The following HSPA9 variants were observed in gnomAD, a reference collection of about 807,000 sequenced individuals.
The protein encoded by HSPA9 is heat shock protein family A (Hsp70) member 9.
Under a neutral mutation model 81.5 loss-of-function variants are expected in HSPA9, and 28 were observed. The observed-to-expected ratio is 0.34, with a 90% CI of 0.25 to 0.47. HSPA9 has a LOEUF of 0.47. Among genes scored for constraint, HSPA9 ranks in the 20% least tolerant of loss-of-function variants. HSPA9 has a pLI of 1.00. For missense variants in HSPA9, 678 were observed against 838.0 expected (o/e 0.81, Z 2.36); for synonymous variants, 293 against 290.4 (o/e 1.01, Z -0.09).
rs1407036669 is a variant in HSPA9, at chr5:138,554,460, G to T, written c.*1577C>A. On this transcript the variant is annotated 3_prime_UTR_variant, in exon 17 of 17. Transcript: ENST00000297185. ...AATGTTCCCATTGAGTGTTCATGTG[G>T]TTGGAAACCTGAGCCTAGAATTTTT... Among the ~76,000 whole-genome samples, 1 of 152,210 alleles carries T rather than the reference G, an allele frequency of 6.6e-6. No individual in the cohort carries two copies. Among genetic ancestry groups the T allele is most frequent in the Non-Finnish European group, 1.5e-5 (1 of 68,046 alleles).
At position 138,565,670 on chromosome 5, in the gene HSPA9, C is replaced by T. The variant is rs570959424; in HGVS notation, c.972+956G>A. The stretch of plus-strand genomic sequence containing the variant: ...GCTGTGTAAATCTGATGCTCACAGA[C>T]GGAAACTTGCACAAGCTTCAGCTCT... On this transcript the variant is annotated intron_variant, in intron 9 of 16. Transcript: ENST00000297185. 8.5e-5 allele frequency among the ~76,000 whole-genome samples: 13 copies of T among 152,280 alleles called. 1 individual carries two copies. Among genetic ancestry groups the T allele is most frequent in the African/African-American group, 2.6e-4 (11 of 41,554 alleles).
At position 138,555,691 on chromosome 5, in the gene HSPA9, T is replaced by C. The variant is rs1367397744; in HGVS notation, c.*346A>G. On this transcript the variant is annotated 3_prime_UTR_variant, in exon 17 of 17. Coordinates refer to ENST00000297185, the MANE Select transcript of HSPA9 (RefSeq NM_004134.7). ...GTCTCATTTCAAGTCTATGGATGACTACCTTCATTGCTGTGTGCGAGATGG... is the reference window on the plus strand; with the variant it reads ...GTCTCATTTCAAGTCTATGGATGACCACCTTCATTGCTGTGTGCGAGATGG... The C allele has an allele frequency of 2.9e-6, 1 of 350,332 alleles. No individual in the cohort carries two copies. Among genetic ancestry groups the C allele is most frequent in the Non-Finnish European group, 5.4e-6 (1 of 183,686 alleles). The allele number at this position is 350,332 out of a possible 1,614,324, so 21.7% of individuals were successfully genotyped here.
At position 138,558,007 on chromosome 5, in the gene HSPA9, AG is replaced by A. The variant is rs1227180410; in HGVS notation, c.1516-22del. On this transcript the variant is annotated intron_variant, in intron 12 of 16. Transcript: ENST00000297185. The stretch of plus-strand genomic sequence containing the variant: ...CCAATCTAAAATAAATAATATCCAG[AG>A]TAAGGTCCTCTTACAGAGGGGTCCA... 2.0e-6 allele frequency: 3 copies of A among 1,487,122 alleles called. No homozygotes were observed. In the Admixed American group the frequency reaches 5.0e-5, roughly 25 times the overall value. The allele number at this position is 1,487,122 out of a possible 1,614,324, so 92.1% of individuals were successfully genotyped here. A position where few individuals can be genotyped will look rare whatever the true frequency, so the allele number is the denominator to read the frequency against.
At chr5:138,563,635 A>G (rs1191870057) in intron 9 of HSPA9, among the ~76,000 whole-genome samples, 1 of 151,626 alleles carries the variant, frequency 6.6e-6, no homozygotes, top group African/African-American at 2.4e-5. Flanking sequence ...ACTATCCTCA[A>G]CTCCTCTGGG....
chr5:138,566,724 A>G lies in HSPA9; in HGVS notation c.880-6T>C. ...TTAGTCAAATCAACCCCTGTCTATA[A>G]AGTGAAGACATTGAACACCAAACAC... On this transcript the variant is annotated splice_region_variant and splice_polypyrimidine_tract_variant and intron_variant, in intron 8 of 16. Transcript: ENST00000297185. 6.2e-7 allele frequency: 1 copy of G among 1,605,752 alleles called. No individual in the cohort carries two copies. The highest frequency in any genetic ancestry group is 8.5e-7 in the Non-Finnish European group (1 of 1,172,502).
At chr5:138,556,921 A>C in intron 14 of HSPA9, 55 bp from the exon 15 acceptor site, 1 of 1,181,328 alleles carries the variant, frequency 8.5e-7, no homozygotes, top group Non-Finnish European at 1.3e-6. Flanking sequence ...AAGTTTGCTG[A>C]ATGTCTATAC....
intron 3 of HSPA9, among the ~76,000 whole-genome samples, chr5:138,571,981 C>CAAG (rs1489039619): frequency 6.9e-4 from 2 of 2,896 alleles, no homozygotes. Context: ...TTTTTTGAGA[C>CAAG]AGAGTCTCAC....
intron 9 of HSPA9, among the ~76,000 whole-genome samples, chr5:138,564,614 G>C (rs1238202329): frequency 6.6e-6 from 1 of 152,152 alleles, no homozygotes; most frequent in Non-Finnish European, 1.5e-5. Context: ...TTTTGCCCAG[G>C]CTGGTCCCCA....
Position 138,557,417 on chromosome 5 carries a change from T to C in HSPA9, c.1713A>G (p.Glu571=). 6.2e-7 allele frequency: 1 copy of C among 1,607,476 alleles called. No homozygotes were observed. Among genetic ancestry groups the C allele is most frequent in the South Asian group, 1.1e-5 (1 of 90,614 alleles). Residue 571 remains glutamate (E), a synonymous_variant, in exon 14 of 17, where the codon GAA becomes GAG. Transcript: ENST00000297185. ...AAGTAATCACCTTCTTTCGCCGGTC[T>C]TCTTCAGCATATTTCTCTGCATTTT... ...MVKNAEKYAE[E]DRRKKERVEA...
At chr5:138,558,886 G>C (rs1580741797) in intron 11 of HSPA9, 1 of 485,818 alleles carries the variant, frequency 2.1e-6, no homozygotes, top group Non-Finnish European at 3.8e-6. Context: ...CAAAGACGCA[G>C]CATTAGGACA....
At chr5:138,556,643 T>C (rs772946816) in intron 15 of HSPA9, 51 bp from the exon 16 acceptor site, 18 of 1,598,682 alleles carry the variant, frequency 1.1e-5, no homozygotes, top group Non-Finnish European at 1.5e-5. Flanking sequence ...CCTGTACCAT[T>C]ACAAGTAGAA....
chr5:138,570,309 A>G (rs1374889100), intron 4 of HSPA9, among the ~76,000 whole-genome samples: 1 of 152,068 alleles, frequency 6.6e-6, no homozygotes, highest in Non-Finnish European at 1.5e-5. Context: ...CCCCGTTTCT[A>G]TTGGGAGGGG....
rs1750470152 is a variant in HSPA9, at chr5:138,554,040, T to C, written c.*1997A>G. ...AGTGGACTGTGGGTGGGACCTCGGTTCCATAATTGTGAGCCAGTTTCTTTC... is the reference window on the plus strand; with the variant it reads ...AGTGGACTGTGGGTGGGACCTCGGTCCCATAATTGTGAGCCAGTTTCTTTC... On this transcript the variant is annotated 3_prime_UTR_variant, in exon 17 of 17. Coordinates refer to ENST00000297185, the MANE Select transcript of HSPA9 (RefSeq NM_004134.7). Among the ~76,000 whole-genome samples the C allele has an allele frequency of 6.6e-6, 1 of 152,230 alleles. No homozygotes were observed. Among genetic ancestry groups the C allele is most frequent in the Non-Finnish European group, 1.5e-5 (1 of 68,034 alleles).
chr5:138,564,793 C>G (rs762902568), intron 9 of HSPA9, among the ~76,000 whole-genome samples: 1 of 152,140 alleles, frequency 6.6e-6, no homozygotes, highest in Non-Finnish European at 1.5e-5. Flanking sequence ...TGGTAATGCT[C>G]ACAACTCTTA....
intron 9 of HSPA9, among the ~76,000 whole-genome samples, chr5:138,562,552 A>T (rs942062850): frequency 6.6e-6 from 1 of 152,026 alleles, no homozygotes; most frequent in Non-Finnish European, 1.5e-5. Context: ...ACTCCGTCTC[A>T]AAAAAACAAA....
At chr5:138,570,126 A>G (rs1168333927) in intron 4 of HSPA9, among the ~76,000 whole-genome samples, 1 of 151,726 alleles carries the variant, frequency 6.6e-6, no homozygotes, top group Admixed American at 6.6e-5. Context: ...CAGCCTCCCA[A>G]AGTGTTAGGA....
At position 138,554,576 on chromosome 5, in the gene HSPA9, T is replaced by TA. The variant is rs1487654393; in HGVS notation, c.*1460dup. Among the ~76,000 whole-genome samples, 3 of 152,244 alleles carry TA rather than the reference T, an allele frequency of 2.0e-5. No homozygotes were observed. The highest frequency in any genetic ancestry group is 2.9e-5 in the Non-Finnish European group (2 of 68,044). ...AATCACTTCCTTCATACTTGCAAAT[T>TA]AAATTGATTTCTTATACTGATTTTT... On this transcript the variant is annotated 3_prime_UTR_variant, in exon 17 of 17. Transcript: ENST00000297185.
chr5:138,559,981 A>G lies in HSPA9; in HGVS notation c.1293T>C (p.Asp431=). Residue 431 remains aspartate, a synonymous_variant, in exon 11 of 17, where the codon GAT becomes GAC. Coordinates refer to ENST00000297185, the MANE Select transcript of HSPA9 (RefSeq NM_004134.7). ...CATCAAGGAGCAGCACATCCGTGAC[A>G]TCGCCGGCCAACACACCTCCCTGAA... ...AAIQGGVLAG[D]VTDVLLLDVT... is the part of the protein sequence containing the mutation. 2.5e-6 allele frequency: 4 copies of G among 1,614,138 alleles called. No homozygotes were observed. The highest frequency in any genetic ancestry group is 3.4e-6 in the Non-Finnish European group (4 of 1,180,006).
Position 138,575,373 on chromosome 5 carries a change from C to A in HSPA9, c.-55G>T, listed in dbSNP as rs772453823. On this transcript the variant is annotated 5_prime_UTR_variant, in exon 1 of 17. Transcript: ENST00000297185. ...AAACAAGCGCTCCGACGGCAAAGAG[C>A]TGCGCGATGCGGTGGCGGCAGCGCT... The A allele has an allele frequency of 7.0e-7, 1 of 1,438,354 alleles. No individual in the cohort carries two copies. Among genetic ancestry groups the A allele is most frequent in the South Asian group, 1.2e-5 (1 of 85,750 alleles). 89.1% of individuals were successfully genotyped at this position (1,438,354 alleles called of 1,614,324 possible). A position where few individuals can be genotyped will look rare whatever the true frequency, so the allele number is the denominator to read the frequency against.
Sources: gnomAD v4.1 joint callset for allele counts (sites outside exome capture counted in the v4.1 genomes callset) on GRCh38, gnomAD v4.1.1 for gene constraint, MANE v1.5 for transcripts, NCBI Gene and HGNC (gene_info 2026-07-23, HGNC 2026-07-21) for gene names.